SETD2: variants seen among roughly 807,000 people sequenced by gnomAD.
SETD2 encodes the protein histone-lysine N-methyltransferase SETD2.
In SETD2, 31 loss-of-function variants were observed where a neutral mutation model predicts 242.1. The ratio of observed to expected loss-of-function variants is 0.13; its 90% CI spans 0.10 to 0.17. The LOEUF is 0.17. SETD2 is among the 10% of genes least tolerant of loss of function. The pLI is 1.00. For synonymous variants in SETD2, 1,006 were observed against 1,066.5 expected (o/e 0.94, Z 1.11); for missense variants, 2,481 against 3,046.3 (o/e 0.81, Z 4.37).
At chr3:47,094,272 G>C (rs773033182) in intron 9 of SETD2, among the ~76,000 whole-genome samples, 11 of 152,314 alleles carry the variant, frequency 7.2e-5, no homozygotes, top group Non-Finnish European at 1.2e-4. Flanking sequence ...TAAGTACCCA[G>C]TGTGTGACAT....
intron 1 of SETD2, among the ~76,000 whole-genome samples, chr3:47,131,240 G>C (rs371610147): frequency 6.6e-6 from 1 of 152,308 alleles, no homozygotes; most frequent in South Asian, 2.1e-4. Context: ...AGAAAGTTTA[G>C]AAGATGAAAT....
intron 13 of SETD2, among the ~76,000 whole-genome samples, chr3:47,063,436 C>G (rs1398639830): frequency 6.6e-6 from 1 of 152,132 alleles, no homozygotes; most frequent in Non-Finnish European, 1.5e-5. Flanking sequence ...CTGTTTACAC[C>G]ACTGCGCTTC....
chr3:47,095,054 G>A (rs1032964228), intron 9 of SETD2, among the ~76,000 whole-genome samples: 2 of 152,184 alleles, frequency 1.3e-5, no homozygotes, highest in Non-Finnish European at 2.9e-5. Context: ...CCATAGTAAG[G>A]TCACTTCTCA....
At chr3:47,074,307 C>G (rs1292372691) in intron 12 of SETD2, among the ~76,000 whole-genome samples, 1 of 152,130 alleles carries the variant, frequency 6.6e-6, no homozygotes, top group Non-Finnish European at 1.5e-5. Context: ...TCAAGGAAAT[C>G]AGATGGAAGC....
intron 8 of SETD2, among the ~76,000 whole-genome samples, chr3:47,099,889 T>C (rs1315967907): frequency 6.6e-6 from 1 of 152,160 alleles, no homozygotes; most frequent in East Asian, 1.9e-4. Flanking sequence ...AAATGCTTAA[T>C]TTTTTTCCTT....
chr3:47,069,444 C>T lies in SETD2; in HGVS notation c.6061-2326G>A, dbSNP rs185208027. Among the ~76,000 whole-genome samples, 13 of 152,290 alleles carry T rather than the reference C, an allele frequency of 8.5e-5. 1 individual carries two copies. In the South Asian group the frequency reaches 2.3e-3, roughly 27 times the overall value. On this transcript the variant is annotated intron_variant, in intron 12 of 20. Coordinates refer to ENST00000409792, the MANE Select transcript of SETD2 (RefSeq NM_014159.7). ...CACCCAAGAAGCGTTCATGGAAATACCACCCCAGACAAAGTGAATCTAAAT... is the reference window on the plus strand; with the variant it reads ...CACCCAAGAAGCGTTCATGGAAATATCACCCCAGACAAAGTGAATCTAAAT...
rs753338268 is a variant in SETD2 at position 47,056,922 on chromosome 3, G to T, written c.6862C>A (p.Pro2288Thr). 7.4e-6 allele frequency: 12 copies of T among 1,613,444 alleles called. No homozygotes were observed. The East Asian group carries it at 2.2e-4, about 30-fold the overall frequency. The change falls in exon 15 of 21, where the codon CCT becomes ACT. Residue 2288 changes from proline (P) to threonine (T), a missense_variant. Pro to Thr is a conservative substitution (Grantham distance 38). This residue lies in a region of SETD2 where 235 missense variants were observed against 293.9 expected (regional missense o/e 0.80). Coordinates refer to ENST00000409792, the MANE Select transcript of SETD2 (RefSeq NM_014159.7). ...TATATGGTTGCTTGAGACTGTGCAG[G>T]AGAGTACTGCTGCTGTACACTGACA... is the stretch of plus-strand genomic sequence containing the variant. ...QSVSVQQQYS[P>T]AQSQATIYYQ... is the part of the protein sequence containing the mutation.
chr3:47,058,195 A>T (rs1459893444), intron 14 of SETD2, among the ~76,000 whole-genome samples: 1 of 152,030 alleles, frequency 6.6e-6, no homozygotes, highest in Non-Finnish European at 1.5e-5. Context: ...AATGAGGGAG[A>T]GGCCAGGCAT....
Position 47,164,088 on chromosome 3 carries a change from C to A in SETD2, c.-164G>T, listed in dbSNP as rs921365456. 5 of 1,145,770 alleles carry A rather than the reference C, an allele frequency of 4.4e-6. No individual in the cohort carries two copies. The African/African-American group carries it at 8.0e-5, about 18-fold the overall frequency. 71.0% of individuals were successfully genotyped at this position (1,145,770 alleles called of 1,614,324 possible). A position where few individuals can be genotyped will look rare whatever the true frequency, so the allele number is the denominator to read the frequency against. ...TACCTCGCTCGTCGCTCCCTCCCTC[C>A]CTCGGACGCCCGCCAGCCGCTCTCT... On this transcript the variant is annotated 5_prime_UTR_variant, in exon 1 of 21. Transcript: ENST00000409792. The surrounding 1 kb of genome is among the most constrained non-coding windows in gnomAD (Gnocchi z 5.4).
In SETD2 at chr3:47,033,652, AT is replaced by A. The variant is rs34978514; in HGVS notation, c.7350+4013del. Among the ~76,000 whole-genome samples the A allele has an allele frequency of 7.6e-3, 688 of 90,808 alleles. 4 individuals are homozygous for A. Among genetic ancestry groups the A allele is most frequent in the African/African-American group, 0.028 (621 of 22,016 alleles). The allele number at this position is 90,808 out of a possible 152,430, so 59.6% of individuals were successfully genotyped here. ...AAGTTATAAGCCCTGTCATGGTTTG[AT>A]TTTTTTTTTTTTTTTTTTTTTTTTT... On this transcript the variant is annotated intron_variant, in intron 18 of 20. Transcript: ENST00000409792.
At chr3:47,158,226 T>C (rs1286937077) in intron 1 of SETD2, among the ~76,000 whole-genome samples, 1 of 152,232 alleles carries the variant, frequency 6.6e-6, no homozygotes, top group Non-Finnish European at 1.5e-5. Flanking sequence ...ATGTGTCATA[T>C]TGCTTAGTAT....
intron 12 of SETD2, among the ~76,000 whole-genome samples, chr3:47,069,695 A>G (rs1313336407): frequency 6.6e-6 from 1 of 152,122 alleles, no homozygotes; most frequent in Non-Finnish European, 1.5e-5. Context: ...GAGGGGGTAC[A>G]TTCCCATCTG....
intron 11 of SETD2, among the ~76,000 whole-genome samples, chr3:47,085,077 G>T (rs1490667670): frequency 6.6e-6 from 1 of 152,092 alleles, no homozygotes; most frequent in Admixed American, 6.6e-5. Flanking sequence ...GATTATTTCT[G>T]CAAGAGTAGT....
rs745647650 is a variant in SETD2 at position 47,122,374 on chromosome 3, T to C, written c.2262A>G (p.Ser754=). Residue 754 remains serine, a synonymous_variant, in exon 3 of 21, where the codon TCA becomes TCG. Coordinates refer to ENST00000409792, the MANE Select transcript of SETD2 (RefSeq NM_014159.7). ...SPFRETEPLV[S]PHQDKLMSMP... ...TAGACATGAGTTTATCTTGGTGTGGTGACACCAGAGGTTCTGTTTCTCTAA... is the reference window on the plus strand; with the variant it reads ...TAGACATGAGTTTATCTTGGTGTGGCGACACCAGAGGTTCTGTTTCTCTAA... 2 of 1,613,818 alleles carry C rather than the reference T, an allele frequency of 1.2e-6. No homozygotes were observed. The highest frequency in any genetic ancestry group is 2.2e-5 in the East Asian group (1 of 44,874).
chr3:47,042,501 G>A (rs2107538729), intron 17 of SETD2, 60 bp downstream of exon 17: 1 of 1,574,128 alleles, frequency 6.4e-7, no homozygotes, highest in Non-Finnish European at 8.7e-7. Flanking sequence ...TCCCCTTATA[G>A]TGGCAACTTC....
rs749340235 is a variant in SETD2 at position 47,122,636 on chromosome 3, C to A, written c.2000G>T (p.Cys667Phe). The A allele has an allele frequency of 3.1e-6, 5 of 1,613,632 alleles. No individual in the cohort carries two copies. The highest frequency in any genetic ancestry group is 2.7e-5 in the African/African-American group (2 of 74,904). The change falls in exon 3 of 21, where the codon TGT becomes TTT. Residue 667 changes from cysteine to phenylalanine, a missense_variant. Transcript: ENST00000409792. ...TCCATTTATATTTAATTCTATGGGACAAAAACTTCTTAATTGATCATTCTT... is the reference window on the plus strand; with the variant it reads ...TCCATTTATATTTAATTCTATGGGAAAAAAACTTCTTAATTGATCATTCTT... ...KVKNDQLRSF[C>F]PIELNINGSP...
intron 15 of SETD2, 86 bp from the exon 16 acceptor site, chr3:47,046,707 GATATACCCATAAC>G: frequency 8.4e-7 from 1 of 1,197,530 alleles, no homozygotes; most frequent in Non-Finnish European, 1.1e-6. Flanking sequence ...CAATCTTAAA[GATATACCCATAAC>G]ATTTTAAAAT....
intron 16 of SETD2, 72 bp downstream of exon 16, chr3:47,046,415 C>A: frequency 1.5e-6 from 2 of 1,360,180 alleles, no homozygotes; most frequent in Non-Finnish European, 1.9e-6. Flanking sequence ...AAAACAAATC[C>A]AAACCAAAAA....
Position 47,120,720 on chromosome 3 carries a change from A to AGTAACC in SETD2, c.3910_3915dup (p.Gly1304_Tyr1305dup). On this transcript the variant is annotated inframe_insertion, in exon 3 of 21. Coordinates refer to ENST00000409792, the MANE Select transcript of SETD2 (RefSeq NM_014159.7). Reference sequence around the variant, plus strand: ...GGAGGTCTACCTGATCTTGGATCCCAGTAACCATTGCCTTGCCAGTAATCA... The same window carrying AGTAACC: ...GGAGGTCTACCTGATCTTGGATCCCAGTAACCGTAACCATTGCCTTGCCAGTAATCA... 2 of 1,614,206 alleles carry AGTAACC rather than the reference A, an allele frequency of 1.2e-6. No individual in the cohort carries two copies. Among genetic ancestry groups the AGTAACC allele is most frequent in the South Asian group, 2.2e-5 (2 of 91,074 alleles).
Sources: allele counts gnomAD v4.1 joint callset (sites outside exome capture counted in the v4.1 genomes callset), GRCh38; gene constraint gnomAD v4.1.1; regional missense constraint gnomAD v4.1.1; non-coding constraint Gnocchi (gnomAD v3.1); transcripts MANE v1.5; gene names NCBI Gene and HGNC (gene_info 2026-07-23, HGNC 2026-07-21).